Variants in ST8SIA6 observed in about 807,000 individuals in gnomAD.
ST8SIA6 encodes ST8 alpha-N-acetyl-neuraminide alpha-2,8-sialyltransferase 6.
A neutral mutation model predicts 33.6 loss-of-function variants in ST8SIA6; 39 were observed. That is an observed-to-expected ratio of 1.16 (90% CI 0.90 to 1.52). The LOEUF is 1.52. ST8SIA6 is among the 40% of genes most tolerant of loss of function. ST8SIA6 has a pLI of 0.00. For missense variants in ST8SIA6, 441 were observed against 443.8 expected, an observed-to-expected ratio of 0.99 and a Z score of 0.06; for synonymous variants, 172 against 167.2, an observed-to-expected ratio of 1.03 and a Z score of -0.22.
chr10:17,432,854 A>G (rs1189720797), intron 2 of ST8SIA6, among the ~76,000 whole-genome samples: 2 of 152,222 alleles, frequency 1.3e-5, no homozygotes, highest in African/African-American at 4.8e-5. Flanking sequence ...AACGACTCAT[A>G]GACTGCTAAG....
intron 3 of ST8SIA6, among the ~76,000 whole-genome samples, chr10:17,361,487 T>C (rs1287188909): frequency 6.7e-6 from 1 of 150,076 alleles, no homozygotes; most frequent in Admixed American, 6.7e-5. Context: ...ATTAATAATA[T>C]TGATTTTGTA....
chr10:17,333,539 C>T (rs2131587116), intron 4 of ST8SIA6, among the ~76,000 whole-genome samples: 2 of 150,978 alleles, frequency 1.3e-5, no homozygotes, highest in East Asian at 3.9e-4. Context: ...GGTACCAAAA[C>T]AGAGAGATAG....
At chr10:17,383,107 A>G (rs938862011) in intron 3 of ST8SIA6, among the ~76,000 whole-genome samples, 1 of 152,170 alleles carries the variant, frequency 6.6e-6, no homozygotes, top group Non-Finnish European at 1.5e-5. Flanking sequence ...CTCTTCTCAC[A>G]AAGAATGAAG....
chr10:17,386,902 G>A (rs1850380418), intron 3 of ST8SIA6: 2 of 152,362 alleles, frequency 1.3e-5, no homozygotes, highest in Admixed American at 1.3e-4. Flanking sequence ...GCACGCTGAT[G>A]ACGTAAGCCG....
At chr10:17,410,277 A>C (rs189881973) in intron 2 of ST8SIA6, 3 of 152,376 alleles carry the variant, frequency 2.0e-5, no homozygotes, top group Non-Finnish European at 1.5e-5. Context: ...ATGTCACAAT[A>C]AAGTATAAAT....
At chr10:17,426,421 A>G (rs538767974) in intron 2 of ST8SIA6, among the ~76,000 whole-genome samples, 1 of 152,336 alleles carries the variant, frequency 6.6e-6, no homozygotes, top group African/African-American at 2.4e-5. Flanking sequence ...AAACTGCAGC[A>G]AAAAACGGTG....
chr10:17,393,417 C>T (rs1850691155), intron 2 of ST8SIA6, among the ~76,000 whole-genome samples: 1 of 152,208 alleles, frequency 6.6e-6, no homozygotes, highest in Admixed American at 6.5e-5. Context: ...CTTGTGGCAC[C>T]TTCATTTCAA....
intron 4 of ST8SIA6, among the ~76,000 whole-genome samples, chr10:17,350,096 CAG>C (rs1221224077): frequency 2.6e-5 from 4 of 152,114 alleles, no homozygotes; most frequent in African/African-American, 9.7e-5. Flanking sequence ...CTGGTTGGGA[CAG>C]GGGTGGAAGT....
intron 3 of ST8SIA6, among the ~76,000 whole-genome samples, 173 bp downstream of exon 3, chr10:17,390,358 A>G (rs1049742588): frequency 6.6e-6 from 1 of 152,182 alleles, no homozygotes; most frequent in African/African-American, 2.4e-5. Flanking sequence ...TGACCCTGGT[A>G]CACATTGTTT....
At chr10:17,446,016 G>A (rs569818820) in intron 2 of ST8SIA6, among the ~76,000 whole-genome samples, 2 of 151,258 alleles carry the variant, frequency 1.3e-5, no homozygotes, top group African/African-American at 4.9e-5. Context: ...TAAATTTCAT[G>A]TTATGTGTAT....
At chr10:17,338,323 G>A (rs113925915) in intron 4 of ST8SIA6, among the ~76,000 whole-genome samples, 2,055 of 152,268 alleles carry the variant, frequency 0.013, 24 homozygotes, top group Non-Finnish European at 0.022. Flanking sequence ...GTGAGCCACC[G>A]TGCCCGGCTG....
chr10:17,390,958 A>G (rs1472676842), intron 2 of ST8SIA6, among the ~76,000 whole-genome samples: 1 of 151,740 alleles, frequency 6.6e-6, no homozygotes, highest in African/African-American at 2.4e-5. Context: ...TCCCTGGTTC[A>G]AGCGATTCTC....
At chr10:17,453,793 G>A (rs1161350846) in intron 1 of ST8SIA6, 136 bp from the exon 2 acceptor site, 8 of 591,126 alleles carry the variant, frequency 1.4e-5, no homozygotes, top group Non-Finnish European at 2.0e-5. Context: ...CAGCCCCAGA[G>A]TTGGAAGAGC....
intron 4 of ST8SIA6, among the ~76,000 whole-genome samples, chr10:17,357,989 C>T (rs921414326): frequency 2.0e-5 from 3 of 152,156 alleles, no homozygotes; most frequent in African/African-American, 7.2e-5. Flanking sequence ...ATCTCATCTT[C>T]CTGCCACCAG....
intron 2 of ST8SIA6, among the ~76,000 whole-genome samples, chr10:17,435,496 C>T (rs959917344): frequency 6.6e-6 from 1 of 152,136 alleles, no homozygotes; most frequent in Non-Finnish European, 1.5e-5. Context: ...ATTACCAGTT[C>T]TACATAATAA....
At chr10:17,340,272 T>G (rs1310846539) in intron 4 of ST8SIA6, among the ~76,000 whole-genome samples, 1 of 152,152 alleles carries the variant, frequency 6.6e-6, no homozygotes, top group African/African-American at 2.4e-5. Flanking sequence ...GGTCACCTGC[T>G]TCGTCCTGAG....
chr10:17,393,024 G>A (rs1850673395), intron 2 of ST8SIA6, among the ~76,000 whole-genome samples: 1 of 152,342 alleles, frequency 6.6e-6, no homozygotes, highest in East Asian at 1.9e-4. Context: ...ACCAGTGTGG[G>A]TGGGCAGCAT....
intron 2 of ST8SIA6, among the ~76,000 whole-genome samples, chr10:17,444,718 A>G (rs1208996433): frequency 2.0e-5 from 3 of 152,240 alleles, no homozygotes; most frequent in Non-Finnish European, 4.4e-5. Flanking sequence ...GAAAGCACTG[A>G]AAAATGTCAA....
intron 2 of ST8SIA6, among the ~76,000 whole-genome samples, chr10:17,435,554 G>A (rs1468388258): frequency 6.6e-6 from 1 of 152,104 alleles, no homozygotes; most frequent in Admixed American, 6.6e-5. Context: ...CTGAAACCTG[G>A]CACTTAGGAA....
Sources: allele counts gnomAD v4.1 joint callset (sites outside exome capture counted in the v4.1 genomes callset), GRCh38; gene constraint gnomAD v4.1.1; transcripts MANE v1.5; gene names NCBI Gene and HGNC (gene_info 2026-07-23, HGNC 2026-07-21).